Variants in AGAP1 observed in about 807,000 individuals in gnomAD.
The protein encoded by AGAP1 is arf-GAP with GTPase, ANK repeat and PH domain-containing protein 1.
A neutral mutation model predicts 105.3 loss-of-function variants in AGAP1; 29 were observed. The ratio of observed to expected loss-of-function variants is 0.28; its 90% CI spans 0.21 to 0.38. The LOEUF is 0.38. Among genes scored for constraint, AGAP1 ranks in the 10% least tolerant of loss-of-function variants. AGAP1 has a pLI of 1.00. For synonymous variants in AGAP1, 509 were observed against 485.9 expected (o/e 1.05, Z -0.63); for missense variants, 998 against 1,165.1 (o/e 0.86, Z 2.09).
chr2:235,563,514 C>G (rs1007452226), intron 1 of AGAP1, among the ~76,000 whole-genome samples: 14 of 148,882 alleles, frequency 9.4e-5, no homozygotes, highest in Non-Finnish European at 1.6e-4. Context: ...GGGTCCTCAG[C>G]ACACACTGGG....
chr2:236,086,518 C>G (rs963206800), intron 16 of AGAP1, among the ~76,000 whole-genome samples: 3 of 152,164 alleles, frequency 2.0e-5, no homozygotes, highest in Non-Finnish European at 4.4e-5. Flanking sequence ...CATTTAAAGT[C>G]TTTGGACAGC....
At chr2:235,502,656 C>T (rs890880322) in intron 1 of AGAP1, among the ~76,000 whole-genome samples, 1 of 148,960 alleles carries the variant, frequency 6.7e-6, no homozygotes, top group Non-Finnish European at 1.5e-5. Context: ...CTGCTCATGC[C>T]GTCTGGTTGT....
intron 6 of AGAP1, among the ~76,000 whole-genome samples, chr2:235,772,659 GTGTC>G (rs1472972531): frequency 6.6e-6 from 1 of 152,230 alleles, no homozygotes; most frequent in Non-Finnish European, 1.5e-5. Context: ...TAGCTGAAAT[GTGTC>G]TGTAGCTTGG....
Position 235,725,640 on chromosome 2 carries a change from T to C in AGAP1, c.310+7996T>C, listed in dbSNP as rs930810591. 5.3e-5 allele frequency among the ~76,000 whole-genome samples: 8 copies of C among 152,234 alleles called. No individual in the cohort carries two copies. Among genetic ancestry groups the C allele is most frequent in the African/African-American group, 1.9e-4 (8 of 41,458 alleles). ...TTATAAACACATGATAATTTTTTAA[T>C]GAGAATTATCTGTAAACGTTGAGAT... On this transcript the variant is annotated intron_variant, in intron 3 of 17. Transcript: ENST00000304032. This position sits in a 1 kb window ranked among gnomAD's most constrained non-coding sequence, Gnocchi z 5.7.
intron 1 of AGAP1, among the ~76,000 whole-genome samples, chr2:235,511,987 CGT>C (rs1393400908): frequency 1.7e-5 from 2 of 115,058 alleles, no homozygotes; most frequent in African/African-American, 4.5e-5. Flanking sequence ...TGTGTGAATG[CGT>C]GTGTGAATGC....
At position 235,934,461 on chromosome 2, in the gene AGAP1, A is replaced by G. The variant is rs527354368; in HGVS notation, c.1483+3538A>G. Among the ~76,000 whole-genome samples the G allele has an allele frequency of 6.7e-4, 102 of 152,264 alleles. No individual in the cohort carries two copies. Among genetic ancestry groups the G allele is most frequent in the Non-Finnish European group, 1.4e-3 (92 of 68,010 alleles). ...CCCCCCTTTAGTGTGCTGCTTCGTC[A>G]AGTGGCCAGACCCCAGCAATGTTTA... On this transcript the variant is annotated intron_variant, in intron 12 of 17. Coordinates refer to ENST00000304032, the MANE Select transcript of AGAP1 (RefSeq NM_001037131.3). The surrounding 1 kb of genome is among the most constrained non-coding windows in gnomAD (Gnocchi z 4.9).
chr2:236,014,671 C>A lies in AGAP1; in HGVS notation c.1646-21890C>A, dbSNP rs538102531. The A allele has an allele frequency of 5.8e-5, 20 of 344,980 alleles. No homozygotes were observed. Among genetic ancestry groups the A allele is most frequent in the South Asian group, 4.1e-4 (18 of 44,282 alleles). 21.4% of individuals were successfully genotyped at this position (344,980 alleles called of 1,614,324 possible). A position where few individuals can be genotyped will look rare whatever the true frequency, so the allele number is the denominator to read the frequency against. ...CCCAGGGAGCTCCATGGCACCCACC[C>A]GCTTCGCGCAGACAGCTCGGAGGCA... On this transcript the variant is annotated intron_variant, in intron 13 of 17. Transcript: ENST00000304032. This position sits in a 1 kb window ranked among gnomAD's most constrained non-coding sequence, Gnocchi z 6.3.
chr2:235,671,108 T>C (rs1160093609), intron 1 of AGAP1: 29 of 1,245,146 alleles, frequency 2.3e-5, no homozygotes, highest in Non-Finnish European at 7.0e-6. Flanking sequence ...TGGTGGGGAC[T>C]TGCCGGTTCC....
chr2:235,640,608 G>A (rs548472468), intron 1 of AGAP1, among the ~76,000 whole-genome samples: 2 of 152,236 alleles, frequency 1.3e-5, no homozygotes, highest in East Asian at 3.9e-4. Flanking sequence ...CTGTCTAATT[G>A]GCAATGACTG....
intron 9 of AGAP1, among the ~76,000 whole-genome samples, chr2:235,840,454 C>G (rs548246064): frequency 6.6e-6 from 1 of 152,364 alleles, no homozygotes; most frequent in South Asian, 2.1e-4. Context: ...GCCTCCTTTT[C>G]TATACTTCTC....
In AGAP1 at chr2:235,734,526, G is replaced by GAA. The variant is rs373216833; in HGVS notation, c.311-6425_311-6424dup. ...TCATTTTCATCCTTAGCTCAGGCAT[G>GAA]AAAAAAAAAAAAAGAATAGTAAAAA... On this transcript the variant is annotated intron_variant, in intron 3 of 17. Transcript: ENST00000304032. The surrounding 1 kb of genome is among the most constrained non-coding windows in gnomAD (Gnocchi z 5.3). Among the ~76,000 whole-genome samples, 2 of 128,766 alleles carry GAA rather than the reference G, an allele frequency of 1.6e-5. No individual in the cohort carries two copies. The highest frequency in any genetic ancestry group is 1.7e-5 in the Non-Finnish European group (1 of 59,248). 84.5% of individuals were successfully genotyped at this position (128,766 alleles called of 152,430 possible). A position where few individuals can be genotyped will look rare whatever the true frequency, so the allele number is the denominator to read the frequency against.
At position 235,992,148 on chromosome 2, in the gene AGAP1, G is replaced by A. The variant is rs2055593001; in HGVS notation, c.1645+23525G>A. Among the ~76,000 whole-genome samples the A allele has an allele frequency of 6.6e-6, 1 of 152,166 alleles. No individual in the cohort carries two copies. Among genetic ancestry groups the A allele is most frequent in the African/African-American group, 2.4e-5 (1 of 41,434 alleles). ...CAGGAGTGGTTAGAAGCGCAGCGGA[G>A]GAGCCTGTCTTCCTGGGTCCGAGTT... On this transcript the variant is annotated intron_variant, in intron 13 of 17. Transcript: ENST00000304032. The surrounding 1 kb of genome is among the most constrained non-coding windows in gnomAD (Gnocchi z 4.8).
intron 11 of AGAP1, among the ~76,000 whole-genome samples, chr2:235,921,311 A>G (rs919855514): frequency 2.0e-5 from 3 of 152,250 alleles, no homozygotes; most frequent in African/African-American, 7.2e-5. Context: ...ATCATATTAA[A>G]GAAGTGTATA....
intron 3 of AGAP1, among the ~76,000 whole-genome samples, chr2:235,718,151 A>G (rs181886979): frequency 1.3e-5 from 2 of 151,552 alleles, no homozygotes; most frequent in African/African-American, 2.4e-5. Context: ...TTTTTTTGCC[A>G]TTAGGCATTT....
intron 11 of AGAP1, among the ~76,000 whole-genome samples, chr2:235,928,643 G>T (rs1466473902): frequency 6.6e-6 from 1 of 152,210 alleles, no homozygotes; most frequent in Non-Finnish European, 1.5e-5. Flanking sequence ...AACATGGTGG[G>T]CACGGGCTCC....
rs554965016 is a variant in AGAP1 at position 236,028,743 on chromosome 2, A to G, written c.1646-7818A>G. Among the ~76,000 whole-genome samples, 3 of 152,252 alleles carry G rather than the reference A, an allele frequency of 2.0e-5. No individual in the cohort carries two copies. The East Asian group carries it at 5.8e-4, about 29-fold the overall frequency. On this transcript the variant is annotated intron_variant, in intron 13 of 17. Transcript: ENST00000304032. Reference sequence around the variant, plus strand: ...TACACTGGGTAGCAGGGATGGAAAAAAGCAGTTACAGTGGGTGTCCTTGTC... The same window carrying G: ...TACACTGGGTAGCAGGGATGGAAAAGAGCAGTTACAGTGGGTGTCCTTGTC...
At chr2:236,079,044 CT>C (rs2058714228) in intron 16 of AGAP1, among the ~76,000 whole-genome samples, 1 of 139,160 alleles carries the variant, frequency 7.2e-6, no homozygotes, top group African/African-American at 2.7e-5. Context: ...TTGAAACAGC[CT>C]GATCTACACC....
In AGAP1 at chr2:236,050,727, A is replaced by G. The variant is rs2057872861; in HGVS notation, c.2114+1446A>G. ...TGAAATAAGCTGGAAAAATCTATGC[A>G]TCTTACTGTTTATATGTAAAAGAAG... On this transcript the variant is annotated intron_variant, in intron 16 of 17. Coordinates refer to ENST00000304032, the MANE Select transcript of AGAP1 (RefSeq NM_001037131.3). This position sits in a 1 kb window ranked among gnomAD's most constrained non-coding sequence, Gnocchi z 4.0. Among the ~76,000 whole-genome samples the G allele has an allele frequency of 1.3e-5, 2 of 152,362 alleles. No individual in the cohort carries two copies. Among genetic ancestry groups the G allele is most frequent in the Middle Eastern group, 3.4e-3 (1 of 294 alleles).
chr2:236,053,740 G>A lies in AGAP1; in HGVS notation c.2114+4459G>A, dbSNP rs2125725790. Among the ~76,000 whole-genome samples, 1 of 152,376 alleles carries A rather than the reference G, an allele frequency of 6.6e-6. No individual in the cohort carries two copies. Among genetic ancestry groups the A allele is most frequent in the South Asian group, 2.1e-4 (1 of 4,830 alleles). On this transcript the variant is annotated intron_variant, in intron 16 of 17. Coordinates refer to ENST00000304032, the MANE Select transcript of AGAP1 (RefSeq NM_001037131.3). The surrounding 1 kb of genome is among the most constrained non-coding windows in gnomAD (Gnocchi z 4.6). ...TGTTTACTTGGCGGCTTAGGAGCCTGCTGATTTGGGCCAGGAAATCAAAGG... is the reference window on the plus strand; with the variant it reads ...TGTTTACTTGGCGGCTTAGGAGCCTACTGATTTGGGCCAGGAAATCAAAGG...
Sources: gnomAD v4.1 joint callset for allele counts (sites outside exome capture counted in the v4.1 genomes callset) on GRCh38, gnomAD v4.1.1 for gene constraint, Gnocchi (gnomAD v3.1) non-coding constraint, MANE v1.5 for transcripts, NCBI Gene and HGNC (gene_info 2026-07-23, HGNC 2026-07-21) for gene names.